LUZP1: variants seen among roughly 807,000 people sequenced by gnomAD.
LUZP1 encodes leucine zipper protein 1, also known as filamin mechanobinding actin cross-linking protein.
In LUZP1, 25 loss-of-function variants were observed where a neutral mutation model predicts 71.3. The ratio of observed to expected loss-of-function variants is 0.35; its 90% CI spans 0.26 to 0.49. LUZP1 has a LOEUF of 0.49. Among genes scored for constraint, LUZP1 ranks in the 20% least tolerant of loss-of-function variants. The pLI is 0.99. For synonymous variants in LUZP1, 481 were observed against 506.4 expected, an observed-to-expected ratio of 0.95 and a Z score of 0.67; for missense variants, 1,142 against 1,300.8, an observed-to-expected ratio of 0.88 and a Z score of 1.88.
intron 2 of LUZP1, among the ~76,000 whole-genome samples, chr1:23,112,105 G>A (rs374763067): frequency 4.6e-5 from 7 of 152,234 alleles, no homozygotes; most frequent in Non-Finnish European, 7.4e-5. Context: ...AACTGTCTAC[G>A]TTCTCTCATA....
chr1:23,172,134 A>G (rs1425734116), intron 1 of LUZP1, among the ~76,000 whole-genome samples: 1 of 152,214 alleles, frequency 6.6e-6, no homozygotes, highest in East Asian at 1.9e-4. Flanking sequence ...AGTTCATGCC[A>G]GGATATAGTG....
intron 2 of LUZP1, among the ~76,000 whole-genome samples, chr1:23,130,577 T>C (rs1308876533): frequency 6.7e-6 from 1 of 148,232 alleles, no homozygotes; most frequent in Non-Finnish European, 1.5e-5. Context: ...TAGCCCAGTA[T>C]GGTCTTGAAT....
Position 23,130,564 on chromosome 1 carries a change from A to G in LUZP1, c.-225-21437T>C, listed in dbSNP as rs78406273. On this transcript the variant is annotated intron_variant, in intron 2 of 4. Coordinates refer to ENST00000302291, the Ensembl canonical transcript of LUZP1. The stretch of plus-strand genomic sequence containing the variant: ...TTTTTTTTAGAGATGGGGTCTCACT[A>G]TATAGCCCAGTATGGTCTTGAATTC... Among the ~76,000 whole-genome samples, 377 of 137,022 alleles carry G rather than the reference A, an allele frequency of 2.8e-3. 9 individuals carry two copies. In the East Asian group the frequency reaches 0.052, roughly 19 times the overall value. The allele number at this position is 137,022 out of a possible 152,430, so 89.9% of individuals were successfully genotyped here.
chr1:23,122,896 T>C (rs974593210), intron 2 of LUZP1, among the ~76,000 whole-genome samples: 2 of 152,214 alleles, frequency 1.3e-5, no homozygotes, highest in Admixed American at 6.5e-5. Flanking sequence ...TAATAAGCAA[T>C]CGTGCAGAAC....
At chr1:23,102,638 C>T (rs1189039744) in intron 3 of LUZP1, among the ~76,000 whole-genome samples, 1 of 152,098 alleles carries the variant, frequency 6.6e-6, no homozygotes, top group African/African-American at 2.4e-5. Context: ...ATGAACATAA[C>T]TATGTTTCAA....
At chr1:23,100,540 TCTAGTTATCGGA>T (rs1277640584) in intron 3 of LUZP1, among the ~76,000 whole-genome samples, 1 of 152,198 alleles carries the variant, frequency 6.6e-6, no homozygotes, top group African/African-American at 2.4e-5. Context: ...GATGTTCAGC[TCTAGTTATCGGA>T]CCAAATGTTG....
rs150479566 is a variant in LUZP1 at position 23,161,890 on chromosome 1, G to A, written c.-226+6876C>T. On this transcript the variant is annotated intron_variant, in intron 2 of 4. Transcript: ENST00000302291. Reference sequence around the variant, plus strand: ...AAAAACACGAAAATTAGCCAGGCGTGGTGGTAGGCACCTTTAATCCCAGCT... The same window carrying A: ...AAAAACACGAAAATTAGCCAGGCGTAGTGGTAGGCACCTTTAATCCCAGCT... Among the ~76,000 whole-genome samples, 650 of 152,052 alleles carry A rather than the reference G, an allele frequency of 4.3e-3. 3 individuals carry two copies. Among genetic ancestry groups the A allele is most frequent in the South Asian group, 0.019 (92 of 4,792 alleles).
intron 2 of LUZP1, among the ~76,000 whole-genome samples, chr1:23,139,373 G>A: frequency 6.6e-6 from 1 of 151,934 alleles, no homozygotes; most frequent in East Asian, 1.9e-4. Flanking sequence ...GATGTACAAA[G>A]GGCAGAAGGA....
intron 2 of LUZP1, among the ~76,000 whole-genome samples, chr1:23,152,691 C>T (rs1046616986): frequency 7.2e-5 from 11 of 152,074 alleles, no homozygotes; most frequent in South Asian, 4.2e-4. Flanking sequence ...CCACCATGCC[C>T]GGCTACTTTT....
At chr1:23,130,224 A>G (rs1036648309) in intron 2 of LUZP1, among the ~76,000 whole-genome samples, 3 of 152,122 alleles carry the variant, frequency 2.0e-5, no homozygotes, top group Admixed American at 2.0e-4. Flanking sequence ...CACATTCACT[A>G]TTTTTTAACT....
At chr1:23,154,550 CT>C (rs202217560) in intron 2 of LUZP1, among the ~76,000 whole-genome samples, 6 of 147,038 alleles carry the variant, frequency 4.1e-5, no homozygotes, top group Admixed American at 6.8e-5. Flanking sequence ...TTTTTCTTTT[CT>C]TTTTTTTTTG....
chr1:23,142,704 C>T (rs1056169431), intron 2 of LUZP1, among the ~76,000 whole-genome samples: 338 of 27,722 alleles, frequency 0.012, no homozygotes, highest in Middle Eastern at 0.083. Context: ...TATATATACA[C>T]ACACACACAC....
chr1:23,157,694 G>A (rs1381310179), intron 2 of LUZP1, among the ~76,000 whole-genome samples: 1 of 152,094 alleles, frequency 6.6e-6, no homozygotes, highest in Non-Finnish European at 1.5e-5. Context: ...AGGAGGCTGA[G>A]GCAGAAGAAT....
At chr1:23,100,326 G>A (rs1012973332) in intron 3 of LUZP1, among the ~76,000 whole-genome samples, 1 of 152,172 alleles carries the variant, frequency 6.6e-6, no homozygotes, top group Non-Finnish European at 1.5e-5. Flanking sequence ...GATTACAAAG[G>A]AGAAAACAGA....
intron 2 of LUZP1, among the ~76,000 whole-genome samples, chr1:23,116,249 C>T (rs1057078375): frequency 1.4e-4 from 21 of 152,076 alleles, no homozygotes; most frequent in African/African-American, 3.4e-4. Context: ...GGTGTGGTGG[C>T]GTATGCCTGT....
chr1:23,118,871 G>A (rs570875267), intron 2 of LUZP1, among the ~76,000 whole-genome samples: 1 of 152,124 alleles, frequency 6.6e-6, no homozygotes, highest in South Asian at 2.1e-4. Context: ...AAGACCACTA[G>A]AACTGATCAC....
intron 2 of LUZP1, among the ~76,000 whole-genome samples, chr1:23,113,950 GA>G (rs1002396144): frequency 7.3e-5 from 11 of 149,794 alleles, no homozygotes; most frequent in East Asian, 2.0e-4. Flanking sequence ...AAGAGAAACT[GA>G]AAAAAAAAAT....
At chr1:23,096,866 G>A (rs1409266872) in intron 3 of LUZP1, among the ~76,000 whole-genome samples, 1 of 152,136 alleles carries the variant, frequency 6.6e-6, no homozygotes, top group Non-Finnish European at 1.5e-5. Context: ...CCAGCTACTT[G>A]GGAGGCTGGG....
chr1:23,103,128 G>A (rs1433257067), intron 3 of LUZP1, among the ~76,000 whole-genome samples: 1 of 147,846 alleles, frequency 6.8e-6, no homozygotes, highest in East Asian at 2.0e-4. Context: ...TTGTAGAGAA[G>A]GGGTCTCTAT....
Sources: gnomAD v4.1 joint callset for allele counts (sites outside exome capture counted in the v4.1 genomes callset) on GRCh38, gnomAD v4.1.1 for gene constraint, MANE v1.5 for transcripts, NCBI Gene and HGNC (gene_info 2026-07-23, HGNC 2026-07-21) for gene names.